The following PXDNL variants were observed in gnomAD, a reference collection of about 807,000 sequenced individuals.
The protein encoded by PXDNL is peroxidasin like, also known as probable oxidoreductase PXDNL.
In PXDNL, 145 loss-of-function variants were observed where a neutral mutation model predicts 150.8. That is an observed-to-expected ratio of 0.96 (90% CI 0.84 to 1.10). PXDNL has a LOEUF of 1.10. Among genes scored for constraint, PXDNL ranks in the 50% least tolerant of loss-of-function variants. PXDNL has a pLI of 0.00. For synonymous variants in PXDNL, 757 were observed against 725.7 expected, an observed-to-expected ratio of 1.04 and a Z score of -0.69; for missense variants, 2,087 against 1,873.9, an observed-to-expected ratio of 1.11 and a Z score of -2.10.
At chr8:51,744,377 A>G (rs1053809413) in intron 1 of PXDNL, among the ~76,000 whole-genome samples, 8 of 151,538 alleles carry the variant, frequency 5.3e-5, no homozygotes, top group Non-Finnish European at 1.0e-4. Flanking sequence ...AAGAGAAAAA[A>G]GAAAGGAAGG....
intron 4 of PXDNL, among the ~76,000 whole-genome samples, chr8:51,523,615 T>C (rs867338235): frequency 6.6e-6 from 1 of 152,202 alleles, no homozygotes; most frequent in Non-Finnish European, 1.5e-5. Context: ...TCCAGCATGA[T>C]ATGAAAATGC....
At chr8:51,524,107 C>T (rs1811717053) in intron 4 of PXDNL, among the ~76,000 whole-genome samples, 3 of 151,030 alleles carry the variant, frequency 2.0e-5, no homozygotes, top group Admixed American at 1.3e-4. Context: ...TTTGCCACCT[C>T]GGTTCCTCAT....
intron 19 of PXDNL, among the ~76,000 whole-genome samples, chr8:51,346,202 G>A (rs1293871050): frequency 2.0e-5 from 3 of 152,324 alleles, no homozygotes; most frequent in East Asian, 1.9e-4. Context: ...ACCTCTGGAG[G>A]AGCCCCAGGC....
At chr8:51,766,901 C>T (rs949368251) in intron 1 of PXDNL, among the ~76,000 whole-genome samples, 2 of 151,172 alleles carry the variant, frequency 1.3e-5, no homozygotes, top group African/African-American at 2.4e-5. Flanking sequence ...ATATTCTTTC[C>T]GTCCCCTTCT....
chr8:51,408,901 T>C lies in PXDNL; in HGVS notation c.2723A>G (p.Gln908Arg). ...NVYGSSERES[Q>R]ALRDPSVPRG... The stretch of plus-strand genomic sequence containing the variant: ...AGGCACCGAAGGGTCTCTGAGAGCC[T>C]GGGATTCCCGCTCCGAGCTCCCGTA... Residue 908 changes from glutamine to arginine, a missense_variant, in exon 17 of 23, where the codon CAG (glutamine) becomes CGG (arginine). Physicochemically the swap from Gln to Arg is conservative, Grantham distance 43. Coordinates refer to ENST00000356297, the MANE Select transcript of PXDNL (RefSeq NM_144651.5). 1.2e-6 allele frequency: 2 copies of C among 1,608,234 alleles called. No homozygotes were observed. Among genetic ancestry groups the C allele is most frequent in the Non-Finnish European group, 1.7e-6 (2 of 1,177,494 alleles).
intron 17 of PXDNL, among the ~76,000 whole-genome samples, chr8:51,388,779 T>C (rs78691382): frequency 5.9e-5 from 9 of 152,312 alleles, no homozygotes; most frequent in Non-Finnish European, 1.0e-4. Flanking sequence ...TACTACACAC[T>C]GAGTGAATTC....
intron 17 of PXDNL, among the ~76,000 whole-genome samples, chr8:51,402,717 T>C (rs931244542): frequency 5.3e-5 from 8 of 152,054 alleles, no homozygotes; most frequent in African/African-American, 1.9e-4. Flanking sequence ...CACCATTCAG[T>C]GAATAACTGA....
intron 17 of PXDNL, among the ~76,000 whole-genome samples, chr8:51,379,151 C>T (rs1426631568): frequency 1.3e-5 from 2 of 152,012 alleles, no homozygotes; most frequent in Admixed American, 6.6e-5. Context: ...TTCCAGTGAA[C>T]GTGGAGTTCC....
At chr8:51,591,027 G>A (rs1441619244) in intron 3 of PXDNL, among the ~76,000 whole-genome samples, 5 of 152,194 alleles carry the variant, frequency 3.3e-5, no homozygotes, top group Non-Finnish European at 5.9e-5. Context: ...GGACTATTAA[G>A]AAGTGATTAG....
At chr8:51,350,176 C>T (rs190378654) in intron 19 of PXDNL, among the ~76,000 whole-genome samples, 79 of 151,910 alleles carry the variant, frequency 5.2e-4, no homozygotes, top group African/African-American at 1.7e-3. Flanking sequence ...GAAAGCTGGT[C>T]GCCCAAGATA....
intron 4 of PXDNL, among the ~76,000 whole-genome samples, chr8:51,515,795 C>T (rs1348100932): frequency 2.6e-5 from 4 of 152,198 alleles, no homozygotes; most frequent in Non-Finnish European, 2.9e-5. Flanking sequence ...CATATATAGA[C>T]ATACAAAGCA....
chr8:51,475,503 C>T (rs1033720365), intron 6 of PXDNL, among the ~76,000 whole-genome samples: 1 of 152,118 alleles, frequency 6.6e-6, no homozygotes, highest in Non-Finnish European at 1.5e-5. Context: ...GTAGCTCATG[C>T]CTGTAATTCA....
chr8:51,654,200 T>C (rs892653200), intron 2 of PXDNL, among the ~76,000 whole-genome samples: 2 of 152,198 alleles, frequency 1.3e-5, no homozygotes, highest in Non-Finnish European at 2.9e-5. Flanking sequence ...AGCCATAAAG[T>C]TGTCATTTTT....
intron 21 of PXDNL, among the ~76,000 whole-genome samples, chr8:51,322,863 C>T (rs1805368496): frequency 6.6e-6 from 1 of 152,170 alleles, no homozygotes; most frequent in Non-Finnish European, 1.5e-5. Flanking sequence ...GCAGTGGCAT[C>T]CACCCATTCA....
intron 1 of PXDNL, among the ~76,000 whole-genome samples, chr8:51,721,190 G>A (rs1370490004): frequency 6.6e-6 from 1 of 152,190 alleles, no homozygotes; most frequent in Non-Finnish European, 1.5e-5. Flanking sequence ...AAGTGAGGCT[G>A]GCACTGAAAA....
In PXDNL at chr8:51,535,204, C is replaced by G. The variant is rs1244905833; in HGVS notation, c.380+21636G>C. 2.2e-5 allele frequency among the ~76,000 whole-genome samples: 3 copies of G among 137,858 alleles called. 1 individual carries two copies. Among genetic ancestry groups the G allele is most frequent in the African/African-American group, 6.4e-5 (2 of 31,396 alleles). 90.4% of individuals were successfully genotyped at this position (137,858 alleles called of 152,430 possible). On this transcript the variant is annotated intron_variant, in intron 4 of 22. Transcript: ENST00000356297. ...GAGCCTCTCTGCCCGGCCAGGACCC[C>G]GTCTGGGAGGTGTGCCCAGCGGCTC...
intron 4 of PXDNL, 77 bp from the exon 5 acceptor site, chr8:51,499,847 T>G: frequency 1.0e-5 from 9 of 904,002 alleles, no homozygotes; most frequent in Non-Finnish European, 1.7e-5. Flanking sequence ...TAGCAATTGC[T>G]TCAGCTGAAA....
intron 19 of PXDNL, among the ~76,000 whole-genome samples, chr8:51,369,237 C>A (rs1485492769): frequency 6.6e-6 from 1 of 152,152 alleles, no homozygotes; most frequent in Admixed American, 6.5e-5. Flanking sequence ...AATACCAGCA[C>A]TTCTCAACTG....
intron 21 of PXDNL, among the ~76,000 whole-genome samples, chr8:51,337,749 C>A (rs757084542): frequency 1.3e-5 from 2 of 151,156 alleles, no homozygotes; most frequent in African/African-American, 4.9e-5. Flanking sequence ...TGGTGGTGGG[C>A]GCCTGTAGTC....
Sources: allele counts gnomAD v4.1 joint callset (sites outside exome capture counted in the v4.1 genomes callset), GRCh38; gene constraint gnomAD v4.1.1; transcripts MANE v1.5; gene names NCBI Gene and HGNC (gene_info 2026-07-23, HGNC 2026-07-21).